PCMTD1: variants seen among roughly 807,000 people sequenced by gnomAD.
The protein encoded by PCMTD1 is protein-L-isoaspartate (D-aspartate) O-methyltransferase domain containing 1.
PCMTD1 carries 12 observed loss-of-function variants against 37.6 expected under a neutral mutation model. That is an observed-to-expected ratio of 0.32 (90% CI 0.20 to 0.52). The LOEUF (loss-of-function observed/expected upper bound fraction) is 0.52. Ranked by LOEUF, PCMTD1 falls within the 20% of genes least tolerant of loss-of-function variation. The probability of loss-of-function intolerance (pLI) is 0.97; values close to 1 mark genes in which losing one functional copy is unlikely to be tolerated. For synonymous variants in PCMTD1, 117 were observed against 135.8 expected, an observed-to-expected ratio of 0.86 and a Z score of 0.96; for missense variants, 235 against 421.3, an observed-to-expected ratio of 0.56 and a Z score of 3.87.
chr8:51,867,502 T>C (rs999397327), intron 1 of PCMTD1, among the ~76,000 whole-genome samples: 1 of 129,414 alleles, frequency 7.7e-6, no homozygotes, highest in African/African-American at 2.6e-5. Context: ...TGTGTGTGTG[T>C]GTGTGTGTGT....
At chr8:51,872,486 C>CA (rs1207363932) in intron 1 of PCMTD1, among the ~76,000 whole-genome samples, 1 of 151,998 alleles carries the variant, frequency 6.6e-6, no homozygotes, top group Non-Finnish European at 1.5e-5. Context: ...ACCTTTAAAA[C>CA]AAGTTGTTCA....
intron 1 of PCMTD1, among the ~76,000 whole-genome samples, chr8:51,894,630 C>T (rs1482816524): frequency 6.6e-6 from 1 of 152,190 alleles, no homozygotes; most frequent in African/African-American, 2.4e-5. Context: ...TGCTTGTCAT[C>T]AGGCAGGGAA....
chr8:51,882,910 G>A (rs990020158), intron 1 of PCMTD1, among the ~76,000 whole-genome samples: 6 of 150,366 alleles, frequency 4.0e-5, no homozygotes, highest in Non-Finnish European at 4.4e-5. Flanking sequence ...GGCGGATCAC[G>A]AGGTCAGGAG....
intron 3 of PCMTD1, among the ~76,000 whole-genome samples, chr8:51,838,942 A>G (rs1478464539): frequency 6.6e-6 from 1 of 152,204 alleles, no homozygotes; most frequent in Non-Finnish European, 1.5e-5. Context: ...AAAATGGCAA[A>G]AAGTCTACTA....
At chr8:51,883,980 C>A (rs188018534) in intron 1 of PCMTD1, among the ~76,000 whole-genome samples, 1 of 152,284 alleles carries the variant, frequency 6.6e-6, no homozygotes, top group East Asian at 1.9e-4. Context: ...ATCTAGTTCG[C>A]TGTCATGCAT....
At chr8:51,826,787 TCTCTTATGCCC>T (rs1281307289) in intron 5 of PCMTD1, 1 of 480,438 alleles carries the variant, frequency 2.1e-6, no homozygotes, top group African/African-American at 2.1e-5. Flanking sequence ...ATTTATGAAG[TCTCTTATGCCC>T]CTGAACTTTA....
intron 5 of PCMTD1, among the ~76,000 whole-genome samples, chr8:51,824,111 G>C (rs991525796): frequency 1.3e-5 from 2 of 152,106 alleles, no homozygotes; most frequent in African/African-American, 2.4e-5. Flanking sequence ...GCAAAAACTG[G>C]AAGCATTCCC....
In PCMTD1 at chr8:51,819,450, CCTCA is replaced by C. The variant is rs2037812114; in HGVS notation, c.*897_*900del. On this transcript the variant is annotated 3_prime_UTR_variant, in exon 6 of 6. Transcript: ENST00000522514. ...TACTTACAGCCATCCAAGAAAGTGG[CCTCA>C]CTCATGCTCATTCACTCGTTCTGTG... The C allele has an allele frequency of 2.0e-5, 3 of 152,214 alleles. No homozygotes were observed. The highest frequency in any genetic ancestry group is 4.4e-5 in the Non-Finnish European group (3 of 68,034). The allele number at this position is 152,214 out of a possible 1,614,324, so 9.4% of individuals were successfully genotyped here.
At chr8:51,888,696 C>T (rs886364420) in intron 1 of PCMTD1, among the ~76,000 whole-genome samples, 1 of 152,054 alleles carries the variant, frequency 6.6e-6, no homozygotes, top group Admixed American at 6.5e-5. Context: ...TTATCTAGCA[C>T]CGAGTAAAAC....
intron 1 of PCMTD1, among the ~76,000 whole-genome samples, chr8:51,869,558 T>C (rs2038609326): frequency 1.3e-5 from 2 of 152,152 alleles, no homozygotes; most frequent in African/African-American, 4.8e-5. Context: ...TGCCTTGGCA[T>C]TTCTGTTACT....
chr8:51,836,544 T>C (rs1372875969), intron 3 of PCMTD1, among the ~76,000 whole-genome samples: 1 of 152,078 alleles, frequency 6.6e-6, no homozygotes, highest in Non-Finnish European at 1.5e-5. Context: ...CCATCACCTA[T>C]TAGTCCTCAA....
intron 5 of PCMTD1, among the ~76,000 whole-genome samples, chr8:51,828,758 A>T (rs2037958213): frequency 6.6e-6 from 1 of 152,212 alleles, no homozygotes; most frequent in South Asian, 2.1e-4. Flanking sequence ...GGAAATAATC[A>T]TATAATGCAT....
In PCMTD1 at chr8:51,820,493, T is replaced by C. The variant is rs1322322588; in HGVS notation, c.932A>G (p.Asp311Gly). 1.9e-6 allele frequency: 3 copies of C among 1,614,042 alleles called. No homozygotes were observed. Among genetic ancestry groups the C allele is most frequent in the Non-Finnish European group, 2.5e-6 (3 of 1,179,962 alleles). The part of the protein sequence containing the change: ...DSEEDEKMEE[D>G]NKEEEEKDHN... ...ATCTTTTTCCTCCTCTTCTTTGTTA[T>C]CCTCTTCCATTTTTTCATCCTCTTC... Residue 311 changes from aspartate to glycine, a missense_variant, in exon 6 of 6, where the codon GAT becomes GGT. Asp to Gly is a moderately conservative substitution (Grantham distance 94). Around this residue, in one of 3 missense-constraint regions of PCMTD1, gnomAD observed 41 missense variants for 36.4 expected, o/e 1.13. Coordinates refer to ENST00000522514, the MANE Select transcript of PCMTD1 (RefSeq NM_052937.4).
chr8:51,840,221 T>C (rs1379101637), intron 3 of PCMTD1, among the ~76,000 whole-genome samples: 1 of 152,194 alleles, frequency 6.6e-6, no homozygotes, highest in Non-Finnish European at 1.5e-5. Context: ...CCAAACAGTT[T>C]ACAGGAAATG....
At chr8:51,879,814 T>A (rs1194081043) in intron 1 of PCMTD1, among the ~76,000 whole-genome samples, 5 of 151,804 alleles carry the variant, frequency 3.3e-5, no homozygotes, top group South Asian at 4.2e-4. Context: ...GGGGAAAAAA[T>A]TGCAACATGT....
upstream of PCMTD1, chr8:51,899,112 G>A (rs373309339): frequency 2.0e-4 from 290 of 1,444,064 alleles, 1 homozygote; most frequent in East Asian, 7.2e-3. Flanking sequence ...GTCCGGGCAT[G>A]CGCAGAGAAC....
At chr8:51,826,908 A>C (rs1351032078) in intron 5 of PCMTD1, 7 of 880,726 alleles carry the variant, frequency 7.9e-6, no homozygotes, top group South Asian at 5.3e-5. Context: ...TTAGTGGTGA[A>C]TCAAGATGAA....
intron 1 of PCMTD1, among the ~76,000 whole-genome samples, chr8:51,866,986 A>G (rs1563354194): frequency 6.6e-6 from 1 of 152,098 alleles, no homozygotes; most frequent in Non-Finnish European, 1.5e-5. Context: ...TAAGATTCAA[A>G]ATATAAAATG....
intron 5 of PCMTD1, chr8:51,827,284 A>G: frequency 8.1e-7 from 1 of 1,237,806 alleles, no homozygotes; most frequent in South Asian, 1.3e-5. Flanking sequence ...TCCTTATTGT[A>G]GAATTTCAAG....
Sources: gnomAD v4.1 joint callset for allele counts (sites outside exome capture counted in the v4.1 genomes callset) on GRCh38, gnomAD v4.1.1 for gene constraint, gnomAD v4.1.1 regional missense constraint, MANE v1.5 for transcripts, NCBI Gene and HGNC (gene_info 2026-07-23, HGNC 2026-07-21) for gene names.